Variants in GRID1 observed in about 807,000 individuals in gnomAD.
The protein encoded by GRID1 is glutamate receptor ionotropic, delta-1.
In GRID1, 28 loss-of-function variants were observed where a neutral mutation model predicts 98.0. The observed-to-expected ratio is 0.29, with a 90% CI of 0.21 to 0.39. The LOEUF (loss-of-function observed/expected upper bound fraction) is 0.39. GRID1 is among the 10% of genes least tolerant of loss of function. The probability of loss-of-function intolerance (pLI) is 1.00; values close to 1 mark genes in which losing one functional copy is unlikely to be tolerated. For missense variants in GRID1, 1,111 were observed against 1,340.5 expected, an observed-to-expected ratio of 0.83 and a Z score of 2.67; for synonymous variants, 553 against 538.5, an observed-to-expected ratio of 1.03 and a Z score of -0.37.
At chr10:85,629,614 A>G (rs1011889328) in intron 13 of GRID1, among the ~76,000 whole-genome samples, 1 of 152,226 alleles carries the variant, frequency 6.6e-6, no homozygotes, top group Admixed American at 6.5e-5. Context: ...ATACATATAT[A>G]TCACATTTTC....
chr10:85,742,512 C>A (rs1841954274), intron 8 of GRID1, among the ~76,000 whole-genome samples: 1 of 152,114 alleles, frequency 6.6e-6, no homozygotes. Flanking sequence ...TTTCAAGGTT[C>A]AATTGTCACT....
intron 4 of GRID1, among the ~76,000 whole-genome samples, chr10:85,954,866 C>G (rs747973093): frequency 1.3e-5 from 2 of 152,150 alleles, no homozygotes; most frequent in Non-Finnish European, 2.9e-5. Context: ...TTCAGTTCCC[C>G]ACGGTGTTGT....
At chr10:86,364,449 G>A (rs115393734) in intron 1 of GRID1, among the ~76,000 whole-genome samples, 17 of 152,170 alleles carry the variant, frequency 1.1e-4, no homozygotes, top group Admixed American at 7.2e-4. Flanking sequence ...CCCAGGCAGC[G>A]CCCAAATGCC....
At position 85,980,242 on chromosome 10, in the gene GRID1, G is replaced by A. The variant is rs60567182; in HGVS notation, c.727-64003C>T. Among the ~76,000 whole-genome samples, 1,355 of 152,338 alleles carry A rather than the reference G, an allele frequency of 8.9e-3. 23 individuals carry two copies. The highest frequency in any genetic ancestry group is 0.031 in the African/African-American group (1,308 of 41,584). On this transcript the variant is annotated intron_variant, in intron 4 of 15. Coordinates refer to ENST00000327946, the MANE Select transcript of GRID1 (RefSeq NM_017551.3). Reference sequence around the variant, plus strand: ...ATGCCCATCTCCTGTGCCACCCACAGCCCCTGTTGGATAGTGTCAGGGCTG... The same window carrying A: ...ATGCCCATCTCCTGTGCCACCCACAACCCCTGTTGGATAGTGTCAGGGCTG...
chr10:85,869,428 G>A (rs1365370476), intron 5 of GRID1, among the ~76,000 whole-genome samples: 2 of 152,186 alleles, frequency 1.3e-5, no homozygotes, highest in East Asian at 3.9e-4. Flanking sequence ...AACCACTGGT[G>A]CACTGGTTTC....
At chr10:85,800,395 A>G (rs1402669607) in intron 8 of GRID1, among the ~76,000 whole-genome samples, 1 of 152,110 alleles carries the variant, frequency 6.6e-6, no homozygotes, top group Non-Finnish European at 1.5e-5. Context: ...AAAGGTTACA[A>G]GATAGAAACA....
intron 11 of GRID1, 112 bp from the exon 12 acceptor site, chr10:85,723,253 G>GT: frequency 1.9e-6 from 2 of 1,050,218 alleles, no homozygotes; most frequent in Non-Finnish European, 2.6e-6. Flanking sequence ...GTGATGGGCT[G>GT]GAACCAGGGA....
chr10:86,317,227 C>G (rs1218930730), intron 2 of GRID1, among the ~76,000 whole-genome samples: 1 of 152,138 alleles, frequency 6.6e-6, no homozygotes, highest in Non-Finnish European at 1.5e-5. Flanking sequence ...CCTCCTCATA[C>G]TCTGATTCTA....
At chr10:85,805,522 G>A (rs1842615769) in intron 8 of GRID1, among the ~76,000 whole-genome samples, 1 of 151,716 alleles carries the variant, frequency 6.6e-6, no homozygotes, top group Non-Finnish European at 1.5e-5. Flanking sequence ...AAATTTAAAG[G>A]ACTAAGAATA....
chr10:85,991,885 G>C (rs1236190850), intron 4 of GRID1, among the ~76,000 whole-genome samples: 2 of 152,136 alleles, frequency 1.3e-5, no homozygotes, highest in Non-Finnish European at 2.9e-5. Context: ...TGCTTTCTTA[G>C]ATTAAATGTT....
intron 3 of GRID1, among the ~76,000 whole-genome samples, chr10:86,194,127 C>T (rs1282981241): frequency 6.6e-6 from 1 of 152,116 alleles, no homozygotes; most frequent in African/African-American, 2.4e-5. Context: ...CATCTCATCA[C>T]TGTATTCTAG....
intron 12 of GRID1, among the ~76,000 whole-genome samples, chr10:85,679,711 G>A (rs1158815818): frequency 6.6e-6 from 1 of 152,166 alleles, no homozygotes; most frequent in Non-Finnish European, 1.5e-5. Flanking sequence ...TGTTTCCAGA[G>A]AAAATACCAT....
chr10:86,274,009 A>C (rs1281077491), intron 2 of GRID1, among the ~76,000 whole-genome samples: 1 of 152,084 alleles, frequency 6.6e-6, no homozygotes, highest in Admixed American at 6.5e-5. Context: ...CTGAATGGTA[A>C]TGCCTAGGTT....
At chr10:85,784,348 G>C (rs1455616435) in intron 8 of GRID1, among the ~76,000 whole-genome samples, 1 of 152,190 alleles carries the variant, frequency 6.6e-6, no homozygotes, top group Non-Finnish European at 1.5e-5. Context: ...GGTGTGTCCA[G>C]GAGGCTAATG....
intron 5 of GRID1, among the ~76,000 whole-genome samples, chr10:85,913,543 A>G (rs1330463660): frequency 6.6e-6 from 1 of 152,198 alleles, no homozygotes; most frequent in African/African-American, 2.4e-5. Context: ...TATCCCCAGC[A>G]CTTTGGGAGG....
intron 4 of GRID1, among the ~76,000 whole-genome samples, chr10:85,922,406 C>T (rs1372265805): frequency 6.6e-6 from 1 of 152,234 alleles, no homozygotes; most frequent in Admixed American, 6.5e-5. Context: ...ATTTATTTTA[C>T]AAAGTGCAAA....
chr10:85,692,370 C>T (rs908051090), intron 12 of GRID1, among the ~76,000 whole-genome samples: 2 of 151,974 alleles, frequency 1.3e-5, no homozygotes, highest in Non-Finnish European at 2.9e-5. Context: ...GTGATAGAAA[C>T]AAAAGGAGAG....
At chr10:85,749,762 T>C (rs983948216) in intron 8 of GRID1, among the ~76,000 whole-genome samples, 3 of 152,120 alleles carry the variant, frequency 2.0e-5, no homozygotes, top group Non-Finnish European at 4.4e-5. Context: ...TTGTACATGC[T>C]CTCCTTCTGG....
At chr10:85,659,157 A>G (rs1206718382) in intron 12 of GRID1, among the ~76,000 whole-genome samples, 1 of 152,218 alleles carries the variant, frequency 6.6e-6, no homozygotes, top group Non-Finnish European at 1.5e-5. Flanking sequence ...AGAAGCAGCT[A>G]TGAATCCATG....
Sources: gnomAD v4.1 joint callset for allele counts (sites outside exome capture counted in the v4.1 genomes callset) on GRCh38, gnomAD v4.1.1 for gene constraint, MANE v1.5 for transcripts, NCBI Gene and HGNC (gene_info 2026-07-23, HGNC 2026-07-21) for gene names.